ARMH3: variants seen among roughly 807,000 people sequenced by gnomAD.
ARMH3 encodes armadillo-like helical domain-containing protein 3.
In ARMH3, 60 loss-of-function variants were observed where a neutral mutation model predicts 99.1. The observed-to-expected ratio is 0.61, with a 90% CI of 0.49 to 0.75. The LOEUF (loss-of-function observed/expected upper bound fraction) is 0.75, where lower values mean the gene tolerates loss of function less well. Ranked by LOEUF, ARMH3 falls within the 30% of genes least tolerant of loss-of-function variation. The pLI, the probability that ARMH3 is intolerant of heterozygous loss-of-function variation, is 0.00. For synonymous variants in ARMH3, 285 were observed against 292.8 expected (o/e 0.97, Z 0.27); for missense variants, 679 against 843.1 (o/e 0.81, Z 2.41).
At chr10:101,935,960 T>C (rs1843951345) in intron 23 of ARMH3, among the ~76,000 whole-genome samples, 2 of 152,160 alleles carry the variant, frequency 1.3e-5, no homozygotes, top group Non-Finnish European at 1.5e-5. Context: ...CAGAAAGTAG[T>C]GTCATGGGTA....
intron 24 of ARMH3, among the ~76,000 whole-genome samples, chr10:101,852,422 G>A (rs1393864527): frequency 6.6e-6 from 1 of 152,222 alleles, no homozygotes; most frequent in Non-Finnish European, 1.5e-5. Context: ...ACAGGGAGGT[G>A]AGAGCAGAAA....
chr10:101,868,408 C>CA (rs2067055639), intron 24 of ARMH3, among the ~76,000 whole-genome samples: 2 of 152,182 alleles, frequency 1.3e-5, no homozygotes, highest in African/African-American at 2.4e-5. Flanking sequence ...CATATAGCAA[C>CA]ATTTTTCAGA....
At chr10:101,847,704 T>C in intron 25 of ARMH3, 84 bp from the exon 26 acceptor site, 1 of 1,227,348 alleles carries the variant, frequency 8.1e-7, no homozygotes, top group South Asian at 1.2e-5. Context: ...CAGAGGACAG[T>C]GCCTGCTACA....
At chr10:101,986,617 A>G (rs1846521212) in intron 19 of ARMH3, among the ~76,000 whole-genome samples, 1 of 152,158 alleles carries the variant, frequency 6.6e-6, no homozygotes, top group African/African-American at 2.4e-5. Context: ...ACTTATCTGA[A>G]ATGGCAGAAA....
chr10:101,864,397 A>G (rs1342039680), intron 24 of ARMH3, among the ~76,000 whole-genome samples: 1 of 152,232 alleles, frequency 6.6e-6, no homozygotes, highest in Non-Finnish European at 1.5e-5. Flanking sequence ...TACTGGGTAT[A>G]TACCCAAAGG....
intron 22 of ARMH3, among the ~76,000 whole-genome samples, chr10:101,954,364 GA>G (rs1394397472): frequency 1.3e-5 from 2 of 152,120 alleles, no homozygotes; most frequent in Non-Finnish European, 2.9e-5. Flanking sequence ...TAATAAAAAG[GA>G]AGGAACTACT....
At position 101,902,597 on chromosome 10, in the gene ARMH3, A is replaced by G. The variant is rs145238215; in HGVS notation, c.1782-13107T>C. On this transcript the variant is annotated intron_variant, in intron 23 of 25. Coordinates refer to ENST00000370033, the MANE Select transcript of ARMH3 (RefSeq NM_024541.3). ...CACTTCTCTTCAGGTCTAGAACAAGAGCAAACAAAGAGCTGTGGTAGAAAG... is the reference window on the plus strand; with the variant it reads ...CACTTCTCTTCAGGTCTAGAACAAGGGCAAACAAAGAGCTGTGGTAGAAAG... Among the ~76,000 whole-genome samples the G allele has an allele frequency of 3.0e-4, 46 of 152,162 alleles. No individual in the cohort carries two copies. In the East Asian group the frequency reaches 8.8e-3, roughly 29 times the overall value.
rs553794734 is a variant in ARMH3 at position 101,910,352 on chromosome 10, TA to T, written c.1782-20863del. On this transcript the variant is annotated intron_variant, in intron 23 of 25. Transcript: ENST00000370033. ...AGCACTGAACTGGGAGAATAAATAT[TA>T]AAGTTAGTATTTAGATTATTTAGAT... is the stretch of plus-strand genomic sequence containing the variant. 1.6e-4 allele frequency among the ~76,000 whole-genome samples: 24 copies of T among 152,286 alleles called. No individual in the cohort carries two copies. The South Asian group carries it at 4.6e-3, about 29-fold the overall frequency.
At chr10:101,904,940 G>A (rs1423012009) in intron 23 of ARMH3, among the ~76,000 whole-genome samples, 2 of 130,936 alleles carry the variant, frequency 1.5e-5, no homozygotes, top group Admixed American at 8.6e-5. Context: ...GACAGAGAGA[G>A]ACTCCATCTC....
At chr10:101,873,225 A>C (rs1263423172) in intron 24 of ARMH3, among the ~76,000 whole-genome samples, 1 of 151,498 alleles carries the variant, frequency 6.6e-6, no homozygotes, top group African/African-American at 2.4e-5. Context: ...AACATAGTGA[A>C]ACCCCGTCTC....
chr10:102,015,424 CTT>C (rs1378627048), intron 8 of ARMH3, among the ~76,000 whole-genome samples: 2 of 145,840 alleles, frequency 1.4e-5, no homozygotes, highest in East Asian at 4.1e-4. Flanking sequence ...GAATTTTGCT[CTT>C]GTTGCCCAGG....
At chr10:101,996,522 A>G (rs1847063704) in intron 15 of ARMH3, among the ~76,000 whole-genome samples, 1 of 152,182 alleles carries the variant, frequency 6.6e-6, no homozygotes, top group African/African-American at 2.4e-5. Flanking sequence ...CGATATAGCC[A>G]AAGAGTAATG....
Position 101,889,430 on chromosome 10 carries a change from G to C in ARMH3, c.1842C>G (p.Ser614=). 3.7e-6 allele frequency: 6 copies of C among 1,613,820 alleles called. No individual in the cohort carries two copies. The highest frequency in any genetic ancestry group is 5.1e-6 in the Non-Finnish European group (6 of 1,179,734). Residue 614 remains serine, a synonymous_variant, in exon 24 of 26, where the codon TCC becomes TCG. Transcript: ENST00000370033. Reference sequence around the variant, plus strand: ...GGCTTACCTGCTCCTCTGACAGTTGGGATATGTGATTCACAGCAGCGTAGG... The same window carrying C: ...GGCTTACCTGCTCCTCTGACAGTTGCGATATGTGATTCACAGCAGCGTAGG... ...IESYAAVNHI[S]QLSEEQVLEV... is the part of the protein sequence containing the mutation.
At chr10:101,956,541 T>A in intron 22 of ARMH3, 56 bp downstream of exon 22, 1 of 1,587,852 alleles carries the variant, frequency 6.3e-7, no homozygotes, top group African/African-American at 1.3e-5. Flanking sequence ...TTTCCTCTTA[T>A]ATGCCAAAAG....
chr10:102,036,171 G>T, intron 2 of ARMH3, among the ~76,000 whole-genome samples: 1 of 136,426 alleles, frequency 7.3e-6, no homozygotes, highest in South Asian at 2.3e-4. Context: ...TGGGGGGTCA[G>T]CCCCCGCCCG....
chr10:101,967,825 CAGAGGCCAA>C (rs1229236532), intron 20 of ARMH3, among the ~76,000 whole-genome samples: 3 of 152,168 alleles, frequency 2.0e-5, no homozygotes, highest in Non-Finnish European at 4.4e-5. Context: ...TTCACTGACA[CAGAGGCCAA>C]AGAATCAAAC....
intron 23 of ARMH3, among the ~76,000 whole-genome samples, chr10:101,934,669 G>A (rs1843874240): frequency 6.6e-6 from 1 of 152,006 alleles, no homozygotes; most frequent in Admixed American, 6.6e-5. Context: ...TTTTGAACTC[G>A]GTCCTAATAA....
At chr10:101,874,548 C>A (rs2067213561) in intron 24 of ARMH3, among the ~76,000 whole-genome samples, 1 of 152,180 alleles carries the variant, frequency 6.6e-6, no homozygotes, top group Non-Finnish European at 1.5e-5. Flanking sequence ...GTGCCTGGAA[C>A]TATTCTCAGC....
At chr10:101,930,698 GT>G (rs1401665762) in intron 23 of ARMH3, among the ~76,000 whole-genome samples, 5 of 152,106 alleles carry the variant, frequency 3.3e-5, no homozygotes, top group Non-Finnish European at 7.4e-5. Context: ...ATGTCAGCTT[GT>G]AAATAAATAT....
Sources: allele counts gnomAD v4.1 joint callset (sites outside exome capture counted in the v4.1 genomes callset), GRCh38; gene constraint gnomAD v4.1.1; transcripts MANE v1.5; gene names NCBI Gene and HGNC (gene_info 2026-07-23, HGNC 2026-07-21).